RGS7: variants seen among roughly 807,000 people sequenced by gnomAD.
RGS7 encodes the protein regulator of G protein signaling 7.
Under a neutral mutation model 81.1 loss-of-function variants are expected in RGS7, and 27 were observed. The ratio of observed to expected loss-of-function variants is 0.33; its 90% confidence interval spans 0.25 to 0.46. The LOEUF is 0.46. RGS7 is among the 20% of genes least tolerant of loss of function. RGS7 has a pLI of 1.00. For synonymous variants in RGS7, 208 were observed against 207.7 expected, an observed-to-expected ratio of 1.00 and a Z score of -0.01; for missense variants, 396 against 607.4, an observed-to-expected ratio of 0.65 and a Z score of 3.66.
chr1:240,914,215 C>T (rs1052857291), intron 6 of RGS7, among the ~76,000 whole-genome samples: 1 of 152,098 alleles, frequency 6.6e-6, no homozygotes. Flanking sequence ...AACATTGGAA[C>T]ATTAACATGC....
At chr1:241,157,973 C>T (rs1259356834) in intron 2 of RGS7, among the ~76,000 whole-genome samples, 4 of 151,814 alleles carry the variant, frequency 2.6e-5, no homozygotes, top group South Asian at 2.1e-4. Context: ...CCCGCCACCA[C>T]GCCTGGCTAA....
Position 240,868,508 on chromosome 1 carries a change from C to G in RGS7, c.609+79G>C, listed in dbSNP as rs1415412812. ...CGTGCATGGGGTCACTACAGTCTTT[C>G]ACTTACTTTGGCAGGGCACCCCTCA... On this transcript the variant is annotated intron_variant, in intron 9 of 18. Transcript: ENST00000440928. This position sits in a 1 kb window ranked among gnomAD's most constrained non-coding sequence, Gnocchi z 5.1. 1.6e-6 allele frequency: 2 copies of G among 1,235,552 alleles called. No homozygotes were observed. The highest frequency in any genetic ancestry group is 3.0e-5 in the African/African-American group (2 of 67,556). 76.5% of individuals were successfully genotyped at this position (1,235,552 alleles called of 1,614,324 possible). A position where few individuals can be genotyped will look rare whatever the true frequency, so the allele number is the denominator to read the frequency against.
At chr1:240,801,702 G>C (rs114979661) in intron 16 of RGS7, among the ~76,000 whole-genome samples, 194 bp from the exon 17 acceptor site, 2,308 of 152,260 alleles carry the variant, frequency 0.015, 24 homozygotes, top group Non-Finnish European at 0.021. Context: ...CATGGGCTCT[G>C]CTTACACCAA....
intron 3 of RGS7, among the ~76,000 whole-genome samples, chr1:240,992,896 G>A (rs1272342045): frequency 6.7e-6 from 1 of 149,696 alleles, no homozygotes; most frequent in Non-Finnish European, 1.5e-5. Flanking sequence ...GCACCTGTAG[G>A]CCCAGCTACT....
intron 2 of RGS7, among the ~76,000 whole-genome samples, chr1:241,237,062 A>G (rs1314120674): frequency 6.6e-6 from 1 of 152,232 alleles, no homozygotes; most frequent in Non-Finnish European, 1.5e-5. Flanking sequence ...ACAAATGCTG[A>G]GTCAAAGGTG....
intron 3 of RGS7, among the ~76,000 whole-genome samples, chr1:241,089,993 C>CAA (rs10716500): frequency 0.013 from 1,196 of 92,902 alleles, 28 homozygotes; most frequent in African/African-American, 0.037. Context: ...GACTCCATCT[C>CAA]AAAAAAAAAA....
chr1:241,236,982 G>C, intron 2 of RGS7, among the ~76,000 whole-genome samples: 1 of 152,182 alleles, frequency 6.6e-6, no homozygotes, highest in East Asian at 1.9e-4. Flanking sequence ...TATCCATGAA[G>C]AGCACGACAA....
intron 2 of RGS7, among the ~76,000 whole-genome samples, chr1:241,309,384 C>G (rs554399265): frequency 2.7e-5 from 1 of 36,790 alleles, no homozygotes; most frequent in Non-Finnish European, 4.9e-5. Context: ...GAAACTCCAA[C>G]TCAAAAAAAA....
chr1:240,925,767 T>A (rs1572795920), intron 6 of RGS7, among the ~76,000 whole-genome samples: 2 of 152,220 alleles, frequency 1.3e-5, no homozygotes, highest in African/African-American at 2.4e-5. Flanking sequence ...TTCTGTTTTC[T>A]CCATAGCCTT....
chr1:241,205,244 ATTT>A (rs113696057), intron 2 of RGS7, among the ~76,000 whole-genome samples: 6 of 136,582 alleles, frequency 4.4e-5, no homozygotes, highest in African/African-American at 1.6e-4. Flanking sequence ...CGCCCAGCTA[ATTT>A]TTTTTTTTTT....
intron 2 of RGS7, among the ~76,000 whole-genome samples, chr1:241,190,030 G>A (rs1216032614): frequency 1.3e-5 from 2 of 152,106 alleles, no homozygotes; most frequent in South Asian, 2.1e-4. Context: ...GTGAACCTGG[G>A]AGGCGGAGCT....
At chr1:240,903,131 T>C (rs914903772) in intron 6 of RGS7, among the ~76,000 whole-genome samples, 1 of 152,180 alleles carries the variant, frequency 6.6e-6, no homozygotes, top group Non-Finnish European at 1.5e-5. Flanking sequence ...GAATTATGAG[T>C]GACAACAACA....
At chr1:241,233,762 G>T (rs537967688) in intron 2 of RGS7, among the ~76,000 whole-genome samples, 1 of 151,080 alleles carries the variant, frequency 6.6e-6, no homozygotes, top group Admixed American at 6.6e-5. Flanking sequence ...TTAGTAGTGG[G>T]ATTGCTGGAT....
At chr1:241,274,834 A>C (rs2078105597) in intron 2 of RGS7, among the ~76,000 whole-genome samples, 1 of 152,192 alleles carries the variant, frequency 6.6e-6, no homozygotes, top group Non-Finnish European at 1.5e-5. Flanking sequence ...CCTGGTTCAT[A>C]TCAGCCTGAG....
chr1:240,924,389 G>A (rs1674078758), intron 6 of RGS7, among the ~76,000 whole-genome samples: 1 of 152,100 alleles, frequency 6.6e-6, no homozygotes, highest in Non-Finnish European at 1.5e-5. Flanking sequence ...CAACATACTG[G>A]AGAAAAGACA....
At chr1:241,094,818 C>A (rs556402671) in intron 3 of RGS7, among the ~76,000 whole-genome samples, 17 of 152,238 alleles carry the variant, frequency 1.1e-4, no homozygotes, top group Non-Finnish European at 2.2e-4. Context: ...CAGCTGTTTT[C>A]ACTTGAGGTG....
At chr1:241,193,559 C>G (rs942456405) in intron 2 of RGS7, among the ~76,000 whole-genome samples, 2 of 152,198 alleles carry the variant, frequency 1.3e-5, no homozygotes, top group Admixed American at 6.5e-5. Context: ...AGTTGCTTAA[C>G]ATATGTTCAA....
At chr1:240,920,447 C>T in intron 6 of RGS7, 2 of 1,132,926 alleles carry the variant, frequency 1.8e-6, no homozygotes, top group Admixed American at 1.7e-5. Flanking sequence ...TTGGCAATTA[C>T]AACAATCAAT....
At chr1:241,316,711 T>C (rs2080900356) in intron 2 of RGS7, among the ~76,000 whole-genome samples, 1 of 152,188 alleles carries the variant, frequency 6.6e-6, no homozygotes, top group African/African-American at 2.4e-5. Context: ...GATATTGGCC[T>C]GTAGTTTTCT....
Sources: gnomAD v4.1 joint callset for allele counts (sites outside exome capture counted in the v4.1 genomes callset) on GRCh38, gnomAD v4.1.1 for gene constraint, Gnocchi (gnomAD v3.1) non-coding constraint, MANE v1.5 for transcripts, NCBI Gene and HGNC (gene_info 2026-07-23, HGNC 2026-07-21) for gene names.